The following AUTS2 variants were observed in gnomAD, a reference collection of about 807,000 sequenced individuals.
AUTS2 encodes the protein activator of transcription and developmental regulator AUTS2.
Under a neutral mutation model 112.4 loss-of-function variants are expected in AUTS2, and 17 were observed. That is an observed-to-expected ratio of 0.15 (90% confidence interval 0.10 to 0.23). The LOEUF (loss-of-function observed/expected upper bound fraction) is 0.23, where lower values mean the gene tolerates loss of function less well. AUTS2 is among the 10% of genes least tolerant of loss of function. The pLI is 1.00. For missense variants in AUTS2, 1,510 were observed against 1,701.6 expected (o/e 0.89, Z 1.98); for synonymous variants, 751 against 702.7 (o/e 1.07, Z -1.09).
chr7:70,595,915 C>G (rs1464367596), intron 5 of AUTS2, among the ~76,000 whole-genome samples: 2 of 152,194 alleles, frequency 1.3e-5, no homozygotes, highest in Non-Finnish European at 2.9e-5. Context: ...CCCTCCCCGC[C>G]CCGTGCCTTG....
chr7:70,591,619 A>G (rs528199501), intron 5 of AUTS2, among the ~76,000 whole-genome samples: 152 of 152,208 alleles, frequency 1.0e-3, no homozygotes, highest in African/African-American at 3.4e-3. Flanking sequence ...GGCTGGTCTC[A>G]AACTCCTGAC....
intron 1 of AUTS2, among the ~76,000 whole-genome samples, chr7:69,726,681 T>A (rs1284515843): frequency 6.6e-6 from 1 of 152,178 alleles, no homozygotes; most frequent in Admixed American, 6.5e-5. Flanking sequence ...GTATGAGAGT[T>A]CTTGTTGTTC....
At chr7:69,766,459 A>G (rs534995015) in intron 1 of AUTS2, among the ~76,000 whole-genome samples, 60 of 152,358 alleles carry the variant, frequency 3.9e-4, no homozygotes, top group Admixed American at 1.6e-3. Context: ...TTTTGAATAT[A>G]TACCCAAAGT....
intron 5 of AUTS2, among the ~76,000 whole-genome samples, chr7:70,574,728 C>T (rs747963205): frequency 6.6e-6 from 1 of 152,178 alleles, no homozygotes; most frequent in Non-Finnish European, 1.5e-5. Flanking sequence ...GAGCCACTAA[C>T]TAGGGCAGAC....
chr7:69,830,344 A>G (rs1791444619), intron 1 of AUTS2, among the ~76,000 whole-genome samples: 1 of 152,182 alleles, frequency 6.6e-6, no homozygotes, highest in African/African-American at 2.4e-5. Context: ...GCACACGTAT[A>G]CCTATGATTA....
chr7:70,494,209 G>C (rs535534042), intron 5 of AUTS2, among the ~76,000 whole-genome samples: 1 of 152,234 alleles, frequency 6.6e-6, no homozygotes, highest in South Asian at 2.1e-4. Context: ...TTGCTAAGAA[G>C]CTTGGATTTT....
Position 69,972,068 on chromosome 7 carries a change from G to A in AUTS2, c.522+72570G>A, listed in dbSNP as rs143315163. On this transcript the variant is annotated intron_variant, in intron 2 of 18. Transcript: ENST00000342771. ...TTTAGTGCACTGTATTAGCGATTCC[G>A]TTTACTTGCGCATTCACCAGCATGC... Among the ~76,000 whole-genome samples, 959 of 152,224 alleles carry A rather than the reference G, an allele frequency of 6.3e-3. 12 individuals carry two copies. The highest frequency in any genetic ancestry group is 0.021 in the African/African-American group (890 of 41,538).
chr7:69,816,356 G>T (rs1790762386), intron 1 of AUTS2, among the ~76,000 whole-genome samples: 2 of 152,208 alleles, frequency 1.3e-5, no homozygotes, highest in Admixed American at 6.5e-5. Context: ...TTTCTTTTAT[G>T]TGTTAAACTC....
At chr7:69,850,564 G>GAT (rs1480482620) in intron 1 of AUTS2, among the ~76,000 whole-genome samples, 1 of 152,072 alleles carries the variant, frequency 6.6e-6, no homozygotes, top group East Asian at 1.9e-4. Flanking sequence ...GGTGTGTAAT[G>GAT]ATATCTCATT....
At chr7:70,772,186 C>T (rs1790395254) in intron 11 of AUTS2, among the ~76,000 whole-genome samples, 1 of 152,212 alleles carries the variant, frequency 6.6e-6, no homozygotes, top group African/African-American at 2.4e-5. Context: ...TTTTGGTCCT[C>T]CTTTCTTTCT....
chr7:69,756,801 G>C (rs1255376570), intron 1 of AUTS2, among the ~76,000 whole-genome samples: 1 of 152,086 alleles, frequency 6.6e-6, no homozygotes, highest in Non-Finnish European at 1.5e-5. Flanking sequence ...TCCATTGTCT[G>C]CTGCATTTAC....
At chr7:70,547,494 C>G (rs548303201) in intron 5 of AUTS2, among the ~76,000 whole-genome samples, 1 of 152,150 alleles carries the variant, frequency 6.6e-6, no homozygotes, top group African/African-American at 2.4e-5. Context: ...ACCTCGTGAT[C>G]TGCCTGCCTC....
At chr7:70,057,670 T>C (rs978549754) in intron 2 of AUTS2, among the ~76,000 whole-genome samples, 2 of 152,216 alleles carry the variant, frequency 1.3e-5, no homozygotes, top group African/African-American at 2.4e-5. Flanking sequence ...GTATCTCTTA[T>C]CAAAGCTCTC....
At chr7:70,356,380 A>G (rs1792009830) in intron 4 of AUTS2, among the ~76,000 whole-genome samples, 1 of 152,188 alleles carries the variant, frequency 6.6e-6, no homozygotes, top group Admixed American at 6.5e-5. Context: ...CTTAGCTACT[A>G]ATTATTTAAT....
intron 2 of AUTS2, among the ~76,000 whole-genome samples, chr7:69,922,810 C>A (rs1202705327): frequency 6.6e-6 from 1 of 152,120 alleles, no homozygotes; most frequent in Non-Finnish European, 1.5e-5. Context: ...CATGAGGAGG[C>A]AGTATATTAT....
chr7:70,087,228 A>AT (rs34133060), intron 2 of AUTS2, among the ~76,000 whole-genome samples: 2 of 151,382 alleles, frequency 1.3e-5, no homozygotes, highest in Non-Finnish European at 2.9e-5. Context: ...TGAAATACTC[A>AT]TTTTTTTATT....
intron 2 of AUTS2, among the ~76,000 whole-genome samples, chr7:69,939,586 G>C (rs1796544340): frequency 6.6e-6 from 1 of 152,138 alleles, no homozygotes; most frequent in Non-Finnish European, 1.5e-5. Context: ...AGCTAAGGGA[G>C]GATTAAGGAA....
rs1584142655 is a variant in AUTS2, at chr7:69,727,216, A to G, written c.309+127254A>G. ...AAGGGTAGAGGTTCATTTTCTCCATATGTTTATCTAGTCGTTCCAGCACTA... is the reference window on the plus strand; with the variant it reads ...AAGGGTAGAGGTTCATTTTCTCCATGTGTTTATCTAGTCGTTCCAGCACTA... On this transcript the variant is annotated intron_variant, in intron 1 of 18. Coordinates refer to ENST00000342771, the MANE Select transcript of AUTS2 (RefSeq NM_015570.4). 2.0e-5 allele frequency among the ~76,000 whole-genome samples: 3 copies of G among 152,048 alleles called. No individual in the cohort carries two copies. The East Asian group carries it at 5.8e-4, about 29-fold the overall frequency.
chr7:69,958,568 A>G (rs1048910727), intron 2 of AUTS2, among the ~76,000 whole-genome samples: 2 of 152,152 alleles, frequency 1.3e-5, no homozygotes, highest in Non-Finnish European at 2.9e-5. Context: ...CAAACCATGT[A>G]GTGTAAGGAG....
Sources: allele counts gnomAD v4.1 joint callset (sites outside exome capture counted in the v4.1 genomes callset), GRCh38; gene constraint gnomAD v4.1.1; transcripts MANE v1.5; gene names NCBI Gene and HGNC (gene_info 2026-07-23, HGNC 2026-07-21).